USP10: variants seen among roughly 807,000 people sequenced by gnomAD.
The protein encoded by USP10 is ubiquitin specific peptidase 10.
USP10 carries 22 observed loss-of-function variants against 84.5 expected under a neutral mutation model. The observed-to-expected ratio is 0.26, with a 90% CI of 0.19 to 0.37. The LOEUF (loss-of-function observed/expected upper bound fraction) is 0.37. Ranked by LOEUF, USP10 falls within the 10% of genes least tolerant of loss-of-function variation. The pLI is 1.00. For synonymous variants in USP10, 454 were observed against 387.6 expected (o/e 1.17, Z -2.01); for missense variants, 1,019 against 998.9 (o/e 1.02, Z -0.27).
chr16:84,751,777 C>G (rs555390166), intron 4 of USP10, among the ~76,000 whole-genome samples: 1 of 152,150 alleles, frequency 6.6e-6, no homozygotes, highest in South Asian at 2.1e-4. Context: ...ATGTCGATTA[C>G]GGGCCAGTTA....
At chr16:84,719,767 A>G (rs1907542493) in intron 1 of USP10, among the ~76,000 whole-genome samples, 1 of 152,262 alleles carries the variant, frequency 6.6e-6, no homozygotes, top group Admixed American at 6.5e-5. Flanking sequence ...TAAATACATA[A>G]TTAAAGAGTG....
At chr16:84,739,101 C>T (rs892616898) in intron 2 of USP10, among the ~76,000 whole-genome samples, 2 of 150,606 alleles carry the variant, frequency 1.3e-5, no homozygotes, top group African/African-American at 2.4e-5. Flanking sequence ...TGCTGTTGCC[C>T]AGGCTGGAGT....
intron 10 of USP10, 146 bp downstream of exon 10, chr16:84,764,409 TC>T (rs1913585159): frequency 9.1e-7 from 1 of 1,094,974 alleles, no homozygotes; most frequent in South Asian, 1.4e-5. Flanking sequence ...CTCTTGCACT[TC>T]CTGATGCTTC....
At chr16:84,752,480 T>G (rs1912045881) in intron 4 of USP10, among the ~76,000 whole-genome samples, 1 of 152,258 alleles carries the variant, frequency 6.6e-6, no homozygotes, top group Non-Finnish European at 1.5e-5. Context: ...CTCATTTTTA[T>G]TCTTTTAGCC....
intron 13 of USP10, among the ~76,000 whole-genome samples, chr16:84,777,744 C>T (rs751111306): frequency 6.6e-6 from 1 of 152,098 alleles, no homozygotes; most frequent in Non-Finnish European, 1.5e-5. Flanking sequence ...AGCCCCTCCA[C>T]GTGACAACTG....
chr16:84,778,904 A>G lies in USP10; in HGVS notation c.2219A>G (p.His740Arg), dbSNP rs1481989903. The change falls in exon 14 of 14, where the codon CAT becomes CGT. Residue 740 changes from histidine (H) to arginine (R), a missense_variant. Transcript: ENST00000219473. ...RTYRLFAVVY[H>R]HGNSATGGHY... is the part of the protein sequence containing the mutation. ...CTGGGCTCTCTTCCAGTGGTCTACC[A>G]TCACGGCAACAGTGCGACGGGCGGC... 6.2e-7 allele frequency: 1 copy of G among 1,613,392 alleles called. No individual in the cohort carries two copies. The highest frequency in any genetic ancestry group is 1.1e-5 in the South Asian group (1 of 90,964).
chr16:84,726,987 G>T (rs1169591083), intron 1 of USP10, among the ~76,000 whole-genome samples: 1 of 152,210 alleles, frequency 6.6e-6, no homozygotes, highest in African/African-American at 2.4e-5. Context: ...TTTCCTGATG[G>T]TATTTGGTGT....
intron 1 of USP10, 99 bp downstream of exon 1, chr16:84,700,210 G>A: frequency 5.1e-6 from 5 of 984,998 alleles, no homozygotes; most frequent in African/African-American, 1.8e-5. Context: ...GAGCGAGCGT[G>A]TGGGAGTGGG....
chr16:84,700,282 C>T (rs1355609163), intron 1 of USP10, among the ~76,000 whole-genome samples, 171 bp downstream of exon 1: 3 of 151,884 alleles, frequency 2.0e-5, no homozygotes, highest in African/African-American at 7.2e-5. Context: ...TCCGCGCCCG[C>T]CGCGCCTTCG....
intron 1 of USP10, among the ~76,000 whole-genome samples, chr16:84,709,548 T>G (rs1311747785): frequency 1.3e-5 from 2 of 151,932 alleles, no homozygotes; most frequent in African/African-American, 4.8e-5. Flanking sequence ...CTCTGCCCAG[T>G]GAAGAATAGA....
intron 4 of USP10, among the ~76,000 whole-genome samples, chr16:84,752,787 G>A (rs946785485): frequency 3.3e-5 from 5 of 152,180 alleles, no homozygotes; most frequent in African/African-American, 1.2e-4. Flanking sequence ...GTCTCCTCCA[G>A]TTGATGGTTA....
chr16:84,760,188 C>T lies in USP10; in HGVS notation c.1467C>T (p.Ile489=), dbSNP rs771982379. ...PKPRQALGDK[I]VRDIRPGAAF... is the part of the protein sequence containing the mutation. Reference sequence around the variant, plus strand: ...CCATTGCAGCTCTTGGAGATAAAATCGTGAGGGATATTCGCCCTGGAGCTG... The same window carrying T: ...CCATTGCAGCTCTTGGAGATAAAATTGTGAGGGATATTCGCCCTGGAGCTG... Residue 489 remains isoleucine (I), a synonymous_variant, in exon 8 of 14, where the codon ATC becomes ATT. Transcript: ENST00000219473. 55 of 1,608,380 alleles carry T rather than the reference C, an allele frequency of 3.4e-5. 1 individual carries two copies. The South Asian group carries it at 4.8e-4, about 14-fold the overall frequency.
At chr16:84,709,910 GGA>G (rs1906054736) in intron 1 of USP10, among the ~76,000 whole-genome samples, 1 of 152,112 alleles carries the variant, frequency 6.6e-6, no homozygotes, top group Non-Finnish European at 1.5e-5. Flanking sequence ...AGTCTGGAGA[GGA>G]GAGAGAAAGA....
chr16:84,704,717 G>T, intron 1 of USP10: 2 of 1,499,426 alleles, frequency 1.3e-6, no homozygotes, highest in Non-Finnish European at 1.8e-6. Flanking sequence ...TTCTGAACTG[G>T]CTATTTTCTG....
chr16:84,765,335 A>G (rs1913732799), intron 10 of USP10, among the ~76,000 whole-genome samples: 1 of 151,648 alleles, frequency 6.6e-6, no homozygotes. Flanking sequence ...GTGCACTATG[A>G]GTAGCTCTTG....
chr16:84,731,052 T>C (rs1183083199), intron 1 of USP10, among the ~76,000 whole-genome samples: 2 of 150,588 alleles, frequency 1.3e-5, no homozygotes, highest in African/African-American at 4.9e-5. Flanking sequence ...CATTCTCGGC[T>C]TGCTGCAACC....
At chr16:84,720,727 G>A (rs1214363138) in intron 1 of USP10, among the ~76,000 whole-genome samples, 1 of 151,196 alleles carries the variant, frequency 6.6e-6, no homozygotes, top group Non-Finnish European at 1.5e-5. Flanking sequence ...GACTACAGGT[G>A]CCCGCCACCA....
intron 4 of USP10, among the ~76,000 whole-genome samples, chr16:84,752,967 G>T (rs573754528): frequency 1.3e-5 from 2 of 151,686 alleles, no homozygotes; most frequent in African/African-American, 2.4e-5. Context: ...TTTTAAAAAC[G>T]TATTTTTTTT....
At chr16:84,765,542 C>G (rs1467193474) in intron 10 of USP10, among the ~76,000 whole-genome samples, 2 of 149,276 alleles carry the variant, frequency 1.3e-5, no homozygotes, top group African/African-American at 2.5e-5. Flanking sequence ...CTTTCTGTGT[C>G]TGACTTCTTT....
Sources: gnomAD v4.1 joint callset for allele counts (sites outside exome capture counted in the v4.1 genomes callset) on GRCh38, gnomAD v4.1.1 for gene constraint, MANE v1.5 for transcripts, NCBI Gene and HGNC (gene_info 2026-07-23, HGNC 2026-07-21) for gene names.